DAB1: variants seen among roughly 807,000 people sequenced by gnomAD.
DAB1 encodes DAB adaptor protein 1.
In DAB1, 15 loss-of-function variants were observed where a neutral mutation model predicts 64.6. The observed-to-expected ratio is 0.23, with a 90% CI of 0.16 to 0.36. The LOEUF (loss-of-function observed/expected upper bound fraction) is 0.36. DAB1 is among the 10% of genes least tolerant of loss of function. The pLI, the probability that DAB1 is intolerant of heterozygous loss-of-function variation, is 1.00. For missense variants in DAB1, 596 were observed against 706.7 expected, an observed-to-expected ratio of 0.84 and a Z score of 1.78; for synonymous variants, 235 against 251.9, an observed-to-expected ratio of 0.93 and a Z score of 0.64.
At chr1:57,547,898 C>T (rs1644872975) in intron 7 of DAB1, among the ~76,000 whole-genome samples, 1 of 152,150 alleles carries the variant, frequency 6.6e-6, no homozygotes, top group Non-Finnish European at 1.5e-5. Context: ...AAAGTTTATT[C>T]TGTTGTCCCA....
Position 57,062,032 on chromosome 1 carries a change from G to T in DAB1, c.723+852C>A, listed in dbSNP as rs548382194. On this transcript the variant is annotated intron_variant, in intron 9 of 14. Coordinates refer to ENST00000371236, the MANE Select transcript of DAB1 (RefSeq NM_001365792.1). ...GCCCCCTGCTCAAGAGCCTTCACTG[G>T]CTCCCGAGAGCTGCCTGAATTATGT... Among the ~76,000 whole-genome samples the T allele has an allele frequency of 1.1e-3, 164 of 152,288 alleles. 1 individual carries two copies. The highest frequency in any genetic ancestry group is 3.8e-3 in the African/African-American group (158 of 41,556).
intron 5 of DAB1, among the ~76,000 whole-genome samples, chr1:57,911,820 T>C (rs529018681): frequency 9.2e-5 from 14 of 152,326 alleles, no homozygotes; most frequent in South Asian, 4.1e-4. Context: ...TGGTGGGCTC[T>C]AGATACACTA....
chr1:57,477,539 T>C (rs1417146763), intron 7 of DAB1, among the ~76,000 whole-genome samples: 1 of 152,162 alleles, frequency 6.6e-6, no homozygotes, highest in Non-Finnish European at 1.5e-5. Flanking sequence ...ATCACTTGAT[T>C]ATGCTGCGTA....
intron 1 of DAB1, among the ~76,000 whole-genome samples, chr1:57,837,826 C>T (rs1652877864): frequency 6.9e-6 from 1 of 144,286 alleles, no homozygotes. Context: ...ACCACTACCT[C>T]CGCCCCCACC....
chr1:57,553,436 AAGAAAG>A (rs1386593501), intron 7 of DAB1, among the ~76,000 whole-genome samples: 306 of 18,992 alleles, frequency 0.016, 35 homozygotes, highest in Middle Eastern at 0.2. Context: ...GAAAGAAAGA[AAGAAAG>A]AGAAAGAAAG....
chr1:57,624,612 TA>T (rs1430220416), intron 7 of DAB1, among the ~76,000 whole-genome samples: 3 of 152,246 alleles, frequency 2.0e-5, no homozygotes, highest in Non-Finnish European at 1.5e-5. Context: ...CACTTACTTT[TA>T]AAGATCCAAA....
chr1:58,334,603 C>CATTATATTATATTATATTAT (rs55941113), intron 4 of DAB1, among the ~76,000 whole-genome samples: 3 of 140,874 alleles, frequency 2.1e-5, no homozygotes, highest in African/African-American at 7.7e-5. Context: ...TATTATATTA[C>CATTATATTATATTATATTAT]ATTATATTAT....
intron 3 of DAB1, among the ~76,000 whole-genome samples, chr1:58,432,452 C>A (rs917671756): frequency 2.0e-5 from 3 of 152,160 alleles, no homozygotes; most frequent in Non-Finnish European, 4.4e-5. Context: ...TGATTCCTCA[C>A]AAATACTGGT....
chr1:58,212,120 T>G (rs1401811250), intron 4 of DAB1, among the ~76,000 whole-genome samples: 1 of 152,216 alleles, frequency 6.6e-6, no homozygotes, highest in African/African-American at 2.4e-5. Context: ...TTAATGACCC[T>G]GCAGTTTCCT....
At chr1:57,034,834 T>C (rs142053589) in intron 9 of DAB1, among the ~76,000 whole-genome samples, 3 of 152,332 alleles carry the variant, frequency 2.0e-5, no homozygotes, top group African/African-American at 7.2e-5. Context: ...CATAGCCTCG[T>C]AGTACTGTGC....
chr1:57,994,379 C>T (rs1291499875), intron 5 of DAB1, among the ~76,000 whole-genome samples: 1 of 152,150 alleles, frequency 6.6e-6, no homozygotes, highest in Non-Finnish European at 1.5e-5. Context: ...TCTGCAACCT[C>T]CCTCTTCCAC....
intron 5 of DAB1, among the ~76,000 whole-genome samples, chr1:58,055,892 T>C (rs1479254931): frequency 6.6e-6 from 1 of 150,966 alleles, no homozygotes; most frequent in Non-Finnish European, 1.5e-5. Flanking sequence ...GTTATTATTA[T>C]TATTATTATT....
At chr1:57,922,353 T>C (rs1172441553) in intron 5 of DAB1, among the ~76,000 whole-genome samples, 1 of 148,318 alleles carries the variant, frequency 6.7e-6, no homozygotes, top group Non-Finnish European at 1.5e-5. Flanking sequence ...GTAGAAGAAA[T>C]GAAGGATGTG....
chr1:57,474,588 T>C (rs1266252134), intron 7 of DAB1, among the ~76,000 whole-genome samples: 2 of 152,140 alleles, frequency 1.3e-5, no homozygotes, highest in African/African-American at 2.4e-5. Flanking sequence ...GCTTTATGAC[T>C]CTGCAGTAAA....
chr1:58,419,093 T>G (rs1644748360), intron 3 of DAB1, among the ~76,000 whole-genome samples: 1 of 152,196 alleles, frequency 6.6e-6, no homozygotes, highest in Non-Finnish European at 1.5e-5. Flanking sequence ...AAGCTTCCTT[T>G]GGCAGAAGGG....
At chr1:58,195,125 GGAGAGAGA>G (rs746199650) in intron 4 of DAB1, among the ~76,000 whole-genome samples, 2 of 140,076 alleles carry the variant, frequency 1.4e-5, no homozygotes, top group Non-Finnish European at 3.1e-5. Flanking sequence ...AGGGCCACCA[GGAGAGAGA>G]GAGAGAGAGA....
At chr1:58,095,420 C>T (rs1007766131) in intron 5 of DAB1, among the ~76,000 whole-genome samples, 2 of 152,180 alleles carry the variant, frequency 1.3e-5, no homozygotes, top group Non-Finnish European at 2.9e-5. Context: ...TAGCTGACTA[C>T]CCATAGGTCA....
intron 2 of DAB1, among the ~76,000 whole-genome samples, chr1:57,186,243 CA>C (rs1663547996): frequency 6.6e-6 from 1 of 152,104 alleles, no homozygotes. Context: ...CGTGTTTCTC[CA>C]AAAACAGCCC....
chr1:57,031,231 C>A (rs1646957411), intron 9 of DAB1, among the ~76,000 whole-genome samples: 1 of 152,084 alleles, frequency 6.6e-6, no homozygotes, highest in Admixed American at 6.5e-5. Flanking sequence ...AAAGGGGATT[C>A]TTGGGCCATA....
Sources: allele counts gnomAD v4.1 joint callset (sites outside exome capture counted in the v4.1 genomes callset), GRCh38; gene constraint gnomAD v4.1.1; transcripts MANE v1.5; gene names NCBI Gene and HGNC (gene_info 2026-07-23, HGNC 2026-07-21).